EXOSC4: variants seen among roughly 807,000 people sequenced by gnomAD.
The protein encoded by EXOSC4 is exosome complex component RRP41.
A neutral mutation model predicts 20.0 loss-of-function variants in EXOSC4; 14 were observed. That is an observed-to-expected ratio of 0.70 (90% CI 0.46 to 1.09). The LOEUF is 1.09. Ranked by LOEUF, EXOSC4 falls within the 50% of genes least tolerant of loss-of-function variation. The probability of loss-of-function intolerance (pLI) is 0.00; values close to 1 mark genes in which losing one functional copy is unlikely to be tolerated. For missense variants in EXOSC4, 337 were observed against 334.0 expected, an observed-to-expected ratio of 1.01 and a Z score of -0.07; for synonymous variants, 148 against 146.4, an observed-to-expected ratio of 1.01 and a Z score of -0.08.
At chr8:144,065,285 A>G in the EXOSC4 span, among the ~76,000 whole-genome samples, 1 of 151,948 alleles carries the variant, frequency 6.6e-6, no homozygotes, top group South Asian at 2.1e-4. Flanking sequence ...TGATTTGTAG[A>G]CTGTCCTGGG....
the EXOSC4 span, among the ~76,000 whole-genome samples, chr8:144,065,960 A>G: frequency 7.0e-6 from 1 of 143,036 alleles, no homozygotes; most frequent in African/African-American, 2.6e-5. Flanking sequence ...AGATGCATGC[A>G]CCACCATGCC....
chr8:144,079,624 G>A lies in EXOSC4; in HGVS notation c.172-319G>A. On this transcript the variant is annotated intron_variant, in intron 1 of 2. Transcript: ENST00000316052. ...TTTGTAGAGTAGGGAAATGATTTGG[G>A]ATCTTATTTCATATGTAATGTGAAA... 4 of 475,712 alleles carry A rather than the reference G, an allele frequency of 8.4e-6. No homozygotes were observed. In the Admixed American group the frequency reaches 1.1e-4, roughly 14 times the overall value. The allele number at this position is 475,712 out of a possible 1,614,324, so 29.5% of individuals were successfully genotyped here. A position where few individuals can be genotyped will look rare whatever the true frequency, so the allele number is the denominator to read the frequency against.
the EXOSC4 span, among the ~76,000 whole-genome samples, chr8:144,067,953 C>T: frequency 2.6e-5 from 4 of 152,320 alleles, no homozygotes; most frequent in Middle Eastern, 3.4e-3. Flanking sequence ...TTCAACCTGC[C>T]GAAACAACCT....
At chr8:144,065,689 C>T in the EXOSC4 span, among the ~76,000 whole-genome samples, 1 of 152,004 alleles carries the variant, frequency 6.6e-6, no homozygotes, top group Admixed American at 6.5e-5. Context: ...GAGCTGAGAT[C>T]GTGCCACTGC....
the EXOSC4 span, among the ~76,000 whole-genome samples, chr8:144,068,272 T>A: frequency 6.6e-6 from 1 of 152,226 alleles, no homozygotes; most frequent in Non-Finnish European, 1.5e-5. Context: ...GCCCCTCCCA[T>A]GAAGTGTCTG....
At chr8:144,071,360 C>T in the EXOSC4 span, among the ~76,000 whole-genome samples, 1 of 146,260 alleles carries the variant, frequency 6.8e-6, no homozygotes, top group South Asian at 2.3e-4. Flanking sequence ...GAGTCTCACT[C>T]TGTCTCCCAG....
chr8:144,068,067 G>A, the EXOSC4 span, among the ~76,000 whole-genome samples: 1 of 152,188 alleles, frequency 6.6e-6, no homozygotes, highest in Non-Finnish European at 1.5e-5. Flanking sequence ...TGCACCATTT[G>A]ACGCTGGAAG....
intron 1 of EXOSC4, chr8:144,079,113 C>A (rs1208662971): frequency 4.2e-6 from 2 of 478,742 alleles, no homozygotes; most frequent in East Asian, 7.3e-5. Flanking sequence ...CCTGCGCCCT[C>A]CTTCCTCTTT....
chr8:144,068,265 C>G, the EXOSC4 span, among the ~76,000 whole-genome samples: 2 of 152,182 alleles, frequency 1.3e-5, no homozygotes, highest in Admixed American at 1.3e-4. Context: ...TCCCCTTGCC[C>G]CTCCCATGAA....
At chr8:144,069,321 C>T in the EXOSC4 span, among the ~76,000 whole-genome samples, 1 of 152,350 alleles carries the variant, frequency 6.6e-6, no homozygotes, top group South Asian at 2.1e-4. Flanking sequence ...ATCTTACAGT[C>T]CCGGAGACCA....
chr8:144,079,042 G>T, intron 1 of EXOSC4, 143 bp downstream of exon 1: 2 of 995,576 alleles, frequency 2.0e-6, no homozygotes, highest in South Asian at 4.6e-5. Flanking sequence ...ATCTCACTCG[G>T]AGTAAACGCA....
At chr8:144,078,171 C>CT (rs1835854872), upstream of EXOSC4, 1 of 152,352 alleles carries the variant, frequency 6.6e-6, no homozygotes. The surrounding 1 kb of genome is among the most constrained non-coding windows in gnomAD (Gnocchi z 4.7). Context: ...CATGAGAGGA[C>CT]TGGAGAGGTG....
the EXOSC4 span, among the ~76,000 whole-genome samples, chr8:144,068,135 AT>A: frequency 5.1e-4 from 77 of 152,314 alleles, no homozygotes; most frequent in African/African-American, 1.8e-3. Flanking sequence ...CATGAGTCCC[AT>A]GGGGAGGCAT....
chr8:144,064,579 A>G, the EXOSC4 span, among the ~76,000 whole-genome samples: 1 of 152,186 alleles, frequency 6.6e-6, no homozygotes, highest in Non-Finnish European at 1.5e-5. Flanking sequence ...ACCACAAGGG[A>G]GGCTGGGCCT....
At chr8:144,078,600 T>C, upstream of EXOSC4, 1 of 1,077,116 alleles carries the variant, frequency 9.3e-7, no homozygotes, top group Non-Finnish European at 1.2e-6. The surrounding 1 kb of genome is among the most constrained non-coding windows in gnomAD (Gnocchi z 4.7). Context: ...AGAGCTGTAG[T>C]TCCCCGGAAC....
At chr8:144,070,309 A>C in the EXOSC4 span, among the ~76,000 whole-genome samples, 1 of 151,998 alleles carries the variant, frequency 6.6e-6, no homozygotes, top group Non-Finnish European at 1.5e-5. Flanking sequence ...GTGGATCACG[A>C]GGTCAGGAGT....
chr8:144,078,556 G>A (rs1484170068), upstream of EXOSC4: 22 of 625,162 alleles, frequency 3.5e-5, no homozygotes, highest in Non-Finnish European at 5.3e-5. This position sits in a 1 kb window ranked among gnomAD's most constrained non-coding sequence, Gnocchi z 4.7. Context: ...GCGGAACGCC[G>A]GAAACCGCAG....
At chr8:144,071,294 C>T in the EXOSC4 span, among the ~76,000 whole-genome samples, 1 of 83,828 alleles carries the variant, frequency 1.2e-5, no homozygotes, top group Non-Finnish European at 2.4e-5. Context: ...CCTCCGCTCC[C>T]CTCTCCTCCC....
At chr8:144,066,595 C>G in the EXOSC4 span, among the ~76,000 whole-genome samples, 1 of 151,814 alleles carries the variant, frequency 6.6e-6, no homozygotes, top group South Asian at 2.1e-4. Context: ...GTGTGTGCCA[C>G]CATGCCTGGC....
Sources: gnomAD v4.1 joint callset for allele counts (sites outside exome capture counted in the v4.1 genomes callset) on GRCh38, gnomAD v4.1.1 for gene constraint, Gnocchi (gnomAD v3.1) non-coding constraint, MANE v1.5 for transcripts, NCBI Gene and HGNC (gene_info 2026-07-23, HGNC 2026-07-21) for gene names.